MAPK4: variants seen among roughly 807,000 people sequenced by gnomAD.
MAPK4 encodes the protein mitogen-activated protein kinase 4.
MAPK4 carries 22 observed loss-of-function variants against 47.7 expected under a neutral mutation model. The observed-to-expected ratio is 0.46, with a 90% CI of 0.33 to 0.66. The LOEUF (loss-of-function observed/expected upper bound fraction) is 0.66. Ranked by LOEUF, MAPK4 falls within the 30% of genes least tolerant of loss-of-function variation. MAPK4 has a pLI of 0.02. For synonymous variants in MAPK4, 390 were observed against 365.7 expected, an observed-to-expected ratio of 1.07 and a Z score of -0.76; for missense variants, 736 against 831.7, an observed-to-expected ratio of 0.88 and a Z score of 1.42.
chr18:50,689,610 G>A (rs2099805542), intron 2 of MAPK4, among the ~76,000 whole-genome samples: 1 of 151,024 alleles, frequency 6.6e-6, no homozygotes, highest in Non-Finnish European at 1.5e-5. Flanking sequence ...TAAAAATGAG[G>A]TTGTCCAGCC....
chr18:50,604,309 A>G (rs1334382016), intron 1 of MAPK4, among the ~76,000 whole-genome samples: 3 of 152,216 alleles, frequency 2.0e-5, no homozygotes, highest in Non-Finnish European at 2.9e-5. Flanking sequence ...CTTCCAACAT[A>G]GTGGTGAATG....
intron 1 of MAPK4, among the ~76,000 whole-genome samples, chr18:50,634,861 C>T (rs1404379316): frequency 6.6e-6 from 1 of 152,190 alleles, no homozygotes; most frequent in Non-Finnish European, 1.5e-5. Context: ...TGTAATGAGA[C>T]TCAAGCCACA....
rs562903128 is a variant in MAPK4, at chr18:50,675,007, C to A, written c.546+10503C>A. Among the ~76,000 whole-genome samples the A allele has an allele frequency of 1.1e-4, 17 of 152,264 alleles. No individual in the cohort carries two copies. The South Asian group carries it at 3.3e-3, about 30-fold the overall frequency. ...TAAATCTCGGTAGGCTAGAAGCCCC[C>A]CTATACAAAAATATTCAGGTACTCT... is the stretch of plus-strand genomic sequence containing the variant. On this transcript the variant is annotated intron_variant, in intron 2 of 5. Coordinates refer to ENST00000400384, the MANE Select transcript of MAPK4 (RefSeq NM_002747.4).
At chr18:50,618,136 C>T (rs1182744159) in intron 1 of MAPK4, among the ~76,000 whole-genome samples, 2 of 152,136 alleles carry the variant, frequency 1.3e-5, no homozygotes, top group Admixed American at 6.5e-5. Flanking sequence ...AGCCCCCTTC[C>T]CCAGGCTGCC....
intron 2 of MAPK4, among the ~76,000 whole-genome samples, chr18:50,713,221 A>G (rs1910468855): frequency 6.6e-6 from 1 of 152,242 alleles, no homozygotes; most frequent in East Asian, 1.9e-4. Flanking sequence ...GTCAAAACTC[A>G]CAGAACTGGT....
chr18:50,684,529 G>C (rs932519332), intron 2 of MAPK4, among the ~76,000 whole-genome samples: 4 of 150,826 alleles, frequency 2.7e-5, no homozygotes, highest in Non-Finnish European at 4.4e-5. Flanking sequence ...CTGGGTGAGA[G>C]AGCGAGCCCC....
At chr18:50,562,593 G>A (rs2042163782) in intron 1 of MAPK4, among the ~76,000 whole-genome samples, 1 of 152,110 alleles carries the variant, frequency 6.6e-6, no homozygotes, top group South Asian at 2.1e-4. Context: ...TGGGGCCCTA[G>A]GACTGGAATT....
intron 1 of MAPK4, among the ~76,000 whole-genome samples, chr18:50,567,852 G>A (rs895697911): frequency 1.3e-5 from 2 of 151,382 alleles, no homozygotes; most frequent in Admixed American, 6.6e-5. Flanking sequence ...CCTGTCATTT[G>A]TCAAAAGGAA....
At chr18:50,579,236 C>T (rs1385036377) in intron 1 of MAPK4, among the ~76,000 whole-genome samples, 1 of 152,058 alleles carries the variant, frequency 6.6e-6, no homozygotes, top group East Asian at 1.9e-4. Context: ...CACAGGAGTC[C>T]CCATGGGAAG....
At chr18:50,606,103 C>CA (rs1479149538) in intron 1 of MAPK4, among the ~76,000 whole-genome samples, 1 of 152,076 alleles carries the variant, frequency 6.6e-6, no homozygotes, top group Admixed American at 6.6e-5. Flanking sequence ...CATGATAAAA[C>CA]AAGAGCACTG....
intron 1 of MAPK4, among the ~76,000 whole-genome samples, chr18:50,645,441 G>A (rs1379484586): frequency 6.6e-6 from 1 of 152,182 alleles, no homozygotes; most frequent in Non-Finnish European, 1.5e-5. Context: ...CGGACTGGAG[G>A]AGAGATGGGC....
intron 3 of MAPK4, among the ~76,000 whole-genome samples, chr18:50,721,254 C>T (rs951695714): frequency 6.6e-6 from 1 of 152,088 alleles, no homozygotes; most frequent in East Asian, 1.9e-4. Context: ...GAAAACTATG[C>T]CTCACCGATT....
intron 1 of MAPK4, among the ~76,000 whole-genome samples, chr18:50,601,327 CTA>C (rs1376685432): frequency 1.2e-5 from 1 of 83,130 alleles, no homozygotes; most frequent in African/African-American, 4.9e-5. Context: ...GAGCAAGACT[CTA>C]TGTCAAAAAA....
intron 2 of MAPK4, among the ~76,000 whole-genome samples, chr18:50,687,621 G>A (rs79861189): frequency 0.01 from 1,536 of 152,290 alleles, 29 homozygotes; most frequent in African/African-American, 0.035. Context: ...TTAGGAAATG[G>A]ATGCTTCCAT....
chr18:50,623,209 A>G (rs1262841943), intron 1 of MAPK4, among the ~76,000 whole-genome samples: 2 of 152,170 alleles, frequency 1.3e-5, no homozygotes, highest in African/African-American at 4.8e-5. Context: ...AGTGAGGTAA[A>G]TTCCCTGAAG....
chr18:50,622,658 C>G (rs895873440), intron 1 of MAPK4, among the ~76,000 whole-genome samples: 3 of 152,248 alleles, frequency 2.0e-5, no homozygotes, highest in Non-Finnish European at 4.4e-5. Flanking sequence ...GAGAACACCT[C>G]TCTCCCTCAT....
chr18:50,713,475 A>G (rs1025278807), intron 2 of MAPK4, among the ~76,000 whole-genome samples: 2 of 152,234 alleles, frequency 1.3e-5, no homozygotes, highest in Non-Finnish European at 2.9e-5. Context: ...GGTTCAGACC[A>G]TATGAGATGT....
At chr18:50,674,502 A>G (rs895273374) in intron 2 of MAPK4, among the ~76,000 whole-genome samples, 1 of 152,040 alleles carries the variant, frequency 6.6e-6, no homozygotes, top group Non-Finnish European at 1.5e-5. Flanking sequence ...TCCTCGCCTC[A>G]TCCGCTGCCA....
chr18:50,688,955 G>C (rs1038832824), intron 2 of MAPK4, among the ~76,000 whole-genome samples: 1 of 151,728 alleles, frequency 6.6e-6, no homozygotes, highest in Non-Finnish European at 1.5e-5. Flanking sequence ...AGCAAAAGAG[G>C]CTCGCATAAA....
Sources: gnomAD v4.1 joint callset for allele counts (sites outside exome capture counted in the v4.1 genomes callset) on GRCh38, gnomAD v4.1.1 for gene constraint, MANE v1.5 for transcripts, NCBI Gene and HGNC (gene_info 2026-07-23, HGNC 2026-07-21) for gene names.